DCT: variants seen among roughly 807,000 people sequenced by gnomAD.
The protein encoded by DCT is L-dopachrome tautomerase.
DCT carries 47 observed loss-of-function variants against 53.0 expected under a neutral mutation model. The observed-to-expected ratio is 0.89, with a 90% CI of 0.70 to 1.13. DCT has a LOEUF of 1.13. Ranked by LOEUF, DCT falls within the 50% of genes most tolerant of loss-of-function variation. DCT has a pLI of 0.00. For synonymous variants in DCT, 244 were observed against 237.0 expected (o/e 1.03, Z -0.27); for missense variants, 669 against 637.4 (o/e 1.05, Z -0.53).
chr13:94,531,396 C>T, the DCT span, among the ~76,000 whole-genome samples: 476 of 152,298 alleles, frequency 3.1e-3, 2 homozygotes, highest in African/African-American at 0.011. Context: ...AACTATACTA[C>T]AAGGCTACAG....
At chr13:94,463,239 CA>C (rs2139332463) in intron 4 of DCT, among the ~76,000 whole-genome samples, 1 of 151,604 alleles carries the variant, frequency 6.6e-6, no homozygotes, top group East Asian at 1.9e-4. Flanking sequence ...TGGGCTCAAG[CA>C]ATCCTCCTGC....
intron 6 of DCT, among the ~76,000 whole-genome samples, chr13:94,447,997 C>T (rs1264786003): frequency 1.3e-5 from 2 of 152,116 alleles, no homozygotes; most frequent in African/African-American, 4.8e-5. Flanking sequence ...CCTGTAATCC[C>T]AGCACTTTGG....
At chr13:94,489,479 G>T in the DCT span, among the ~76,000 whole-genome samples, 1 of 152,126 alleles carries the variant, frequency 6.6e-6, no homozygotes, top group Non-Finnish European at 1.5e-5. Context: ...TAATTTTAAG[G>T]ATTAGATATG....
the DCT span, among the ~76,000 whole-genome samples, chr13:94,540,014 T>C: frequency 6.6e-6 from 1 of 152,146 alleles, no homozygotes; most frequent in African/African-American, 2.4e-5. Flanking sequence ...AAAGATCGCC[T>C]CTGCAGAGGG....
At chr13:94,533,958 T>C in the DCT span, among the ~76,000 whole-genome samples, 1 of 152,288 alleles carries the variant, frequency 6.6e-6, no homozygotes, top group African/African-American at 2.4e-5. Context: ...TTTAAACATC[T>C]TTTTATGTAT....
intron 4 of DCT, among the ~76,000 whole-genome samples, chr13:94,464,197 T>A (rs1884006697): frequency 6.6e-6 from 1 of 152,188 alleles, no homozygotes; most frequent in South Asian, 2.1e-4. Context: ...ACGAAGTCCC[T>A]GCTAGCTGGG....
At chr13:94,472,568 ATTTTTTTTTTTTTTTT>A (rs869190962) in intron 1 of DCT, among the ~76,000 whole-genome samples, 20 of 15,010 alleles carry the variant, frequency 1.3e-3, no homozygotes, top group Non-Finnish European at 1.7e-3. Context: ...ATATATATAT[ATTTTTTTTTTTTTTTT>A]TTTTTTTTTT....
At chr13:94,501,896 G>T in the DCT span, among the ~76,000 whole-genome samples, 1 of 152,204 alleles carries the variant, frequency 6.6e-6, no homozygotes, top group South Asian at 2.1e-4. Flanking sequence ...GCTGAAGGCA[G>T]CCCAAAGTTC....
At chr13:94,542,872 CG>C in the DCT span, among the ~76,000 whole-genome samples, 1 of 152,014 alleles carries the variant, frequency 6.6e-6, no homozygotes, top group Non-Finnish European at 1.5e-5. Context: ...TGTTCACACA[CG>C]AGAGTACCAA....
chr13:94,481,973 C>A (rs1171782701), upstream of DCT, among the ~76,000 whole-genome samples: 1 of 152,146 alleles, frequency 6.6e-6, no homozygotes, highest in Non-Finnish European at 1.5e-5. Flanking sequence ...GCCAACAGAT[C>A]CGTGAATGGT....
chr13:94,478,772 AT>A (rs1325802428), intron 1 of DCT, among the ~76,000 whole-genome samples, 188 bp downstream of exon 1: 2 of 152,236 alleles, frequency 1.3e-5, no homozygotes, highest in Non-Finnish European at 2.9e-5. Flanking sequence ...TCATAACTAG[AT>A]GTACTAGAGG....
In DCT at chr13:94,438,877, A is replaced by AATTGATTTAATGATTTAAG. The variant is rs1882075382; in HGVS notation, c.*1020_*1021insCTTAAATCATTAAATCAAT. The stretch of plus-strand genomic sequence containing the variant: ...GTATTCGGCAACATTAATCAATCTA[A>AATTGATTTAATGATTTAAG]CATCAATGCTTAAAAATAAGCCCAG... On this transcript the variant is annotated 3_prime_UTR_variant, in exon 8 of 8. Coordinates refer to ENST00000377028, the MANE Select transcript of DCT (RefSeq NM_001922.5). The AATTGATTTAATGATTTAAG allele has an allele frequency of 3.7e-6, 1 of 270,430 alleles. No homozygotes were observed. The highest frequency in any genetic ancestry group is 7.3e-6 in the Non-Finnish European group (1 of 136,250). 16.8% of individuals were successfully genotyped at this position (270,430 alleles called of 1,614,324 possible).
At chr13:94,514,688 C>T in the DCT span, among the ~76,000 whole-genome samples, 4 of 152,124 alleles carry the variant, frequency 2.6e-5, no homozygotes, top group African/African-American at 9.7e-5. Flanking sequence ...CCTTTCGGTT[C>T]CCTCAATATG....
the DCT span, among the ~76,000 whole-genome samples, chr13:94,549,128 T>C: frequency 6.6e-6 from 1 of 152,222 alleles, no homozygotes; most frequent in African/African-American, 2.4e-5. Context: ...CCGGCCTCGG[T>C]GCGCCTCTAG....
the DCT span, among the ~76,000 whole-genome samples, chr13:94,488,721 TATACACACACACAC>T: frequency 2.8e-3 from 207 of 74,648 alleles, 10 homozygotes; most frequent in South Asian, 0.016. Context: ...TTGTCTAATA[TATACACACACACAC>T]ACACACACAC....
chr13:94,443,404 T>A, intron 7 of DCT, 32 bp downstream of exon 7: 2 of 1,506,124 alleles, frequency 1.3e-6, no homozygotes, highest in Non-Finnish European at 1.8e-6. Flanking sequence ...AGAAGATGAA[T>A]GAATCACCCA....
the DCT span, among the ~76,000 whole-genome samples, chr13:94,505,004 T>C: frequency 6.6e-6 from 1 of 151,974 alleles, no homozygotes; most frequent in Non-Finnish European, 1.5e-5. Context: ...TGTCTTTGTA[T>C]CCCCAGCAGC....
chr13:94,466,539 A>G lies in DCT; in HGVS notation c.696+19T>C. ...TTTTTTAAAAAATTAAAAGAACTAA[A>G]TGCATAGTTTTGACCTACCTGGAGA... On this transcript the variant is annotated intron_variant, in intron 3 of 7. Coordinates refer to ENST00000377028, the MANE Select transcript of DCT (RefSeq NM_001922.5). The G allele has an allele frequency of 6.6e-7, 1 of 1,525,588 alleles. No homozygotes were observed. 94.5% of individuals were successfully genotyped at this position (1,525,588 alleles called of 1,614,324 possible).
rs1375827945 is a variant in DCT, at chr13:94,437,617, C to T, written c.*2281G>A. The T allele has an allele frequency of 6.6e-6, 1 of 152,108 alleles. No homozygotes were observed. The highest frequency in any genetic ancestry group is 2.4e-5 in the African/African-American group (1 of 41,440). 9.4% of individuals were successfully genotyped at this position (152,108 alleles called of 1,614,324 possible). A position where few individuals can be genotyped will look rare whatever the true frequency, so the allele number is the denominator to read the frequency against. Reference sequence around the variant, plus strand: ...TTTCTCCAAGGTTGAATTCTTCCCCCTATCATTGAGAAATATAGCCCACAG... The same window carrying T: ...TTTCTCCAAGGTTGAATTCTTCCCCTTATCATTGAGAAATATAGCCCACAG... On this transcript the variant is annotated 3_prime_UTR_variant, in exon 8 of 8. Coordinates refer to ENST00000377028, the MANE Select transcript of DCT (RefSeq NM_001922.5).
Sources: gnomAD v4.1 joint callset for allele counts (sites outside exome capture counted in the v4.1 genomes callset) on GRCh38, gnomAD v4.1.1 for gene constraint, MANE v1.5 for transcripts, NCBI Gene and HGNC (gene_info 2026-07-23, HGNC 2026-07-21) for gene names.